CNTN5: variants seen among roughly 807,000 people sequenced by gnomAD.
CNTN5 encodes the protein contactin-5.
In CNTN5, 77 loss-of-function variants were observed where a neutral mutation model predicts 129.1. The observed-to-expected ratio is 0.60, with a 90% CI of 0.50 to 0.72. The LOEUF (loss-of-function observed/expected upper bound fraction) is 0.72. Among genes scored for constraint, CNTN5 ranks in the 30% least tolerant of loss-of-function variants. The pLI is 0.00. For synonymous variants in CNTN5, 509 were observed against 465.6 expected, an observed-to-expected ratio of 1.09 and a Z score of -1.20; for missense variants, 1,478 against 1,328.8, an observed-to-expected ratio of 1.11 and a Z score of -1.75.
At chr11:99,154,397 G>A (rs11218569) in intron 1 of CNTN5, among the ~76,000 whole-genome samples, 38,541 of 152,126 alleles carry the variant, frequency 0.25, 5,281 homozygotes, top group Middle Eastern at 0.31. Context: ...TGGAGAGACA[G>A]GGCTGATGGC....
intron 1 of CNTN5, among the ~76,000 whole-genome samples, chr11:99,254,747 C>G (rs146177817): frequency 6.6e-6 from 1 of 151,782 alleles, no homozygotes; most frequent in Admixed American, 6.6e-5. Context: ...ATAATGTATG[C>G]TATCATTTAA....
intron 1 of CNTN5, among the ~76,000 whole-genome samples, chr11:99,098,889 A>G (rs1309728648): frequency 6.6e-6 from 1 of 152,108 alleles, no homozygotes; most frequent in African/African-American, 2.4e-5. Context: ...TTCACAGTCC[A>G]GAGACCATCT....
At chr11:99,641,662 T>C (rs1177547838) in intron 3 of CNTN5, among the ~76,000 whole-genome samples, 1 of 152,116 alleles carries the variant, frequency 6.6e-6, no homozygotes, top group African/African-American at 2.4e-5. Flanking sequence ...AGTGCCATTA[T>C]TGTCAAAGTC....
chr11:99,685,734 T>C (rs1190891972), intron 3 of CNTN5, among the ~76,000 whole-genome samples: 2 of 151,974 alleles, frequency 1.3e-5, no homozygotes, highest in Non-Finnish European at 2.9e-5. Context: ...ATGCCTCTCT[T>C]GTGTGTTGTT....
intron 8 of CNTN5, among the ~76,000 whole-genome samples, chr11:99,988,724 C>G (rs1336974887): frequency 6.6e-6 from 1 of 152,124 alleles, no homozygotes; most frequent in Admixed American, 6.5e-5. Context: ...CATGACTATT[C>G]TCTTTATGAA....
intron 9 of CNTN5, among the ~76,000 whole-genome samples, chr11:100,020,671 G>A (rs1941092705): frequency 6.6e-6 from 1 of 151,904 alleles, no homozygotes; most frequent in African/African-American, 2.4e-5. Flanking sequence ...CTTATATGCA[G>A]AAAACATTAA....
At chr11:99,326,050 G>A (rs1014687945) in intron 2 of CNTN5, among the ~76,000 whole-genome samples, 22 of 152,246 alleles carry the variant, frequency 1.4e-4, no homozygotes, top group African/African-American at 3.9e-4. Context: ...ACATATTTAC[G>A]TAACCAACAG....
intron 1 of CNTN5, among the ~76,000 whole-genome samples, chr11:99,206,172 GT>G (rs1565402295): frequency 6.6e-6 from 1 of 152,038 alleles, no homozygotes; most frequent in East Asian, 1.9e-4. Flanking sequence ...CCTAATTTGG[GT>G]TTCCTTTGGG....
intron 3 of CNTN5, among the ~76,000 whole-genome samples, chr11:99,591,532 G>T (rs1359020598): frequency 1.3e-5 from 2 of 151,898 alleles, no homozygotes; most frequent in African/African-American, 4.8e-5. Flanking sequence ...TAGAGATGGG[G>T]TTTCACCATG....
chr11:100,049,549 A>G (rs1942851374), intron 9 of CNTN5, among the ~76,000 whole-genome samples: 1 of 152,152 alleles, frequency 6.6e-6, no homozygotes, highest in Non-Finnish European at 1.5e-5. Context: ...TTCACAAACT[A>G]AACCAAAGAA....
chr11:100,283,478 T>A (rs1950687622), intron 18 of CNTN5, among the ~76,000 whole-genome samples: 1 of 152,098 alleles, frequency 6.6e-6, no homozygotes, highest in African/African-American at 2.4e-5. Context: ...GTCCACTATC[T>A]CTGAGCCCAG....
intron 2 of CNTN5, among the ~76,000 whole-genome samples, chr11:99,394,463 A>G (rs1225580763): frequency 2.6e-5 from 4 of 151,596 alleles, no homozygotes; most frequent in Admixed American, 6.6e-5. Context: ...TTTCAGAATC[A>G]ACTTATATGC....
intron 17 of CNTN5, among the ~76,000 whole-genome samples, chr11:100,260,742 A>G (rs1950177929): frequency 6.6e-6 from 1 of 152,210 alleles, no homozygotes; most frequent in African/African-American, 2.4e-5. Context: ...ATAAAATTCA[A>G]CAACGCTTCA....
chr11:100,168,428 C>G (rs1226528333), intron 13 of CNTN5, among the ~76,000 whole-genome samples: 3 of 151,918 alleles, frequency 2.0e-5, no homozygotes, highest in Non-Finnish European at 4.4e-5. Context: ...ATTTAATACT[C>G]CAAAAATTGT....
chr11:99,371,992 A>C (rs1939854938), intron 2 of CNTN5, among the ~76,000 whole-genome samples: 1 of 152,244 alleles, frequency 6.6e-6, no homozygotes, highest in Admixed American at 6.5e-5. Context: ...GAGACCCTAC[A>C]GAATTATTGA....
chr11:99,553,349 C>A (rs1948557200), intron 2 of CNTN5, among the ~76,000 whole-genome samples: 1 of 151,834 alleles, frequency 6.6e-6, no homozygotes, highest in Admixed American at 6.6e-5. Flanking sequence ...GCTTTGGTAA[C>A]TTTTATTCAT....
At chr11:99,316,738 A>G (rs187653465) in intron 1 of CNTN5, among the ~76,000 whole-genome samples, 90 of 152,172 alleles carry the variant, frequency 5.9e-4, no homozygotes, top group Non-Finnish European at 1.0e-3. Flanking sequence ...AGTCAAAAAA[A>G]AAAAAAGAAA....
chr11:99,790,832 TA>T (rs1338388117), intron 3 of CNTN5, among the ~76,000 whole-genome samples: 2 of 152,162 alleles, frequency 1.3e-5, no homozygotes, highest in Admixed American at 6.5e-5. Flanking sequence ...GCCAGCATGT[TA>T]TTTTTTTGAC....
intron 16 of CNTN5, among the ~76,000 whole-genome samples, chr11:100,249,921 A>T (rs10501957): frequency 0.2 from 29,776 of 152,120 alleles, 3,229 homozygotes; most frequent in Non-Finnish European, 0.23. Context: ...AGTATCGATA[A>T]GCCAATTCTA....
Sources: allele counts gnomAD v4.1 joint callset (sites outside exome capture counted in the v4.1 genomes callset), GRCh38; gene constraint gnomAD v4.1.1; transcripts MANE v1.5; gene names NCBI Gene and HGNC (gene_info 2026-07-23, HGNC 2026-07-21).